The following WDFY4 variants were observed in gnomAD, a reference collection of about 807,000 sequenced individuals.
WDFY4 encodes the protein WD repeat- and FYVE domain-containing protein 4.
In WDFY4, 169 loss-of-function variants were observed where a neutral mutation model predicts 351.9. The observed-to-expected ratio is 0.48, with a 90% CI of 0.42 to 0.55. WDFY4 has a LOEUF of 0.55. WDFY4 is among the 20% of genes least tolerant of loss of function. WDFY4 has a pLI of 0.00. For missense variants in WDFY4, 3,803 were observed against 3,935.6 expected (o/e 0.97, Z 0.90); for synonymous variants, 1,622 against 1,574.6 (o/e 1.03, Z -0.71).
At chr10:48,911,346 T>C (rs929609884) in intron 47 of WDFY4, among the ~76,000 whole-genome samples, 1 of 152,240 alleles carries the variant, frequency 6.6e-6, no homozygotes, top group East Asian at 1.9e-4. Flanking sequence ...TGTGTAAACC[T>C]TTTATGAGCT....
intron 45 of WDFY4, among the ~76,000 whole-genome samples, chr10:48,899,683 A>AT (rs1271495269): frequency 6.6e-6 from 1 of 152,200 alleles, no homozygotes; most frequent in Non-Finnish European, 1.5e-5. Context: ...AGAAAAAAAA[A>AT]GAAAAGATAG....
At chr10:48,895,305 GGCTACATTGTAGGCT>G in intron 44 of WDFY4, among the ~76,000 whole-genome samples, 2 of 152,340 alleles carry the variant, frequency 1.3e-5, no homozygotes, top group East Asian at 3.9e-4. Flanking sequence ...AGGCTCCATG[GGCTACATTGTAGGCT>G]GGGCCTTGGG....
At chr10:48,687,382 T>G (rs1360633804) in intron 1 of WDFY4, among the ~76,000 whole-genome samples, 1 of 152,192 alleles carries the variant, frequency 6.6e-6, no homozygotes, top group Non-Finnish European at 1.5e-5. Context: ...TGTCGCTTTA[T>G]GATTTATACT....
chr10:48,939,553 G>T (rs970184722), intron 47 of WDFY4, among the ~76,000 whole-genome samples: 1 of 152,182 alleles, frequency 6.6e-6, no homozygotes, highest in African/African-American at 2.4e-5. Flanking sequence ...AGAGCCATTT[G>T]CAACATCTTA....
rs1370377128 is a variant in WDFY4, at chr10:48,731,262, C to A, written c.1282C>A (p.Gln428Lys). The part of the protein sequence containing the change: ...RNFFLLEWTL[Q>K]PISQFVEIMP... ...CTTCTTCCTGCTGGAGTGGACCCTG[C>A]AGCCCATCTCGCAGTTTGTAGAGAT... is the stretch of plus-strand genomic sequence containing the variant. Residue 428 changes from glutamine to lysine, a missense_variant, in exon 9 of 62, where the codon CAG (glutamine) becomes AAG (lysine). Transcript: ENST00000325239. 1 of 1,551,970 alleles carries A rather than the reference C, an allele frequency of 6.4e-7. No homozygotes were observed. Among genetic ancestry groups the A allele is most frequent in the Non-Finnish European group, 8.7e-7 (1 of 1,147,036 alleles).
At chr10:48,897,681 C>T (rs1837153622) in intron 45 of WDFY4, 107 bp downstream of exon 45, 11 of 1,466,592 alleles carry the variant, frequency 7.5e-6, no homozygotes, top group Middle Eastern at 2.0e-4. Flanking sequence ...CTTCTTTGTG[C>T]CTATGCACAG....
chr10:48,796,476 C>T (rs538107724), intron 24 of WDFY4, 26 bp downstream of exon 24: 2 of 1,544,740 alleles, frequency 1.3e-6, no homozygotes, highest in East Asian at 2.4e-5. Flanking sequence ...GCCCTTAGTC[C>T]TTCAGGAGTG....
intron 58 of WDFY4, among the ~76,000 whole-genome samples, chr10:48,976,371 T>TTC (rs1564544904): frequency 2.0e-5 from 3 of 152,210 alleles, no homozygotes; most frequent in Non-Finnish European, 4.4e-5. Context: ...CATGCAGTCA[T>TTC]TGGAACTTCT....
In WDFY4 at chr10:48,691,386, C is replaced by T. The variant is rs552480829; in HGVS notation, c.-18+6385C>T. Reference sequence around the variant, plus strand: ...GTGGGCACCACTCCCACTTTCCACCCGGGCCCCTAAGCCTGACCCTAGCTC... The same window carrying T: ...GTGGGCACCACTCCCACTTTCCACCTGGGCCCCTAAGCCTGACCCTAGCTC... On this transcript the variant is annotated intron_variant, in intron 1 of 61. Coordinates refer to ENST00000325239, the MANE Select transcript of WDFY4 (RefSeq NM_001394531.1). Among the ~76,000 whole-genome samples the T allele has an allele frequency of 7.2e-5, 11 of 152,274 alleles. No individual in the cohort carries two copies. In the East Asian group the frequency reaches 1.2e-3, roughly 16 times the overall value.
intron 2 of WDFY4, among the ~76,000 whole-genome samples, chr10:48,717,081 A>G (rs2063934204): frequency 6.6e-6 from 1 of 152,220 alleles, no homozygotes; most frequent in African/African-American, 2.4e-5. Flanking sequence ...CTAAGCCTCA[A>G]TTTCTATAAA....
At chr10:48,779,917 C>T in intron 18 of WDFY4, 24 bp from the exon 19 acceptor site, 2 of 1,550,758 alleles carry the variant, frequency 1.3e-6, no homozygotes, top group Non-Finnish European at 1.7e-6. Context: ...ACACGTGAGA[C>T]TCAGTGTTCA....
At chr10:48,723,070 A>G (rs1351796795) in intron 4 of WDFY4, among the ~76,000 whole-genome samples, 1 of 152,072 alleles carries the variant, frequency 6.6e-6, no homozygotes, top group East Asian at 1.9e-4. Context: ...CCTGGACCAC[A>G]GTCACACAGT....
At position 48,828,867 on chromosome 10, in the gene WDFY4, A is replaced by C. The variant is rs1449844919; in HGVS notation, c.6311A>C (p.Lys2104Thr). Residue 2104 changes from lysine (K) to threonine (T), a missense_variant, in exon 37 of 62, where the codon AAA becomes ACA. Transcript: ENST00000325239. ...TCCCCAAATGAAGACGTGAAAGAAA[A>C]AAGAGAAGACTTACCAAGTTTGAGT... Reference protein sequence around the residue: ...FLSPNEDVKEKREDLPSLSDV... With the variant: ...FLSPNEDVKETREDLPSLSDV... 12 of 1,424,626 alleles carry C rather than the reference A, an allele frequency of 8.4e-6. No individual in the cohort carries two copies. The East Asian group carries it at 4.0e-4, about 48-fold the overall frequency. The allele number at this position is 1,424,626 out of a possible 1,614,324, so 88.2% of individuals were successfully genotyped here.
chr10:48,902,681 A>T (rs905920971), intron 47 of WDFY4, among the ~76,000 whole-genome samples: 35 of 151,964 alleles, frequency 2.3e-4, no homozygotes, highest in African/African-American at 8.2e-4. Flanking sequence ...ACAGACATAA[A>T]CCAATATAAA....
intron 32 of WDFY4, among the ~76,000 whole-genome samples, chr10:48,819,069 C>T (rs908042093): frequency 6.6e-6 from 1 of 152,242 alleles, no homozygotes; most frequent in Non-Finnish European, 1.5e-5. Flanking sequence ...CGAGTGCCCC[C>T]GCCAGCAGCC....
chr10:48,772,288 G>A (rs1327647844), intron 13 of WDFY4, among the ~76,000 whole-genome samples: 6 of 152,230 alleles, frequency 3.9e-5, no homozygotes, highest in Non-Finnish European at 5.9e-5. Context: ...ACACAGTCCC[G>A]AGGGCACTGG....
chr10:48,760,488 C>T (rs1364961008), intron 13 of WDFY4, 48 bp downstream of exon 13: 4 of 1,526,894 alleles, frequency 2.6e-6, no homozygotes, highest in Admixed American at 2.0e-5. Flanking sequence ...CATGACTGAT[C>T]TCTCAAATGC....
At chr10:48,859,170 G>C (rs1020194477) in intron 39 of WDFY4, among the ~76,000 whole-genome samples, 4 of 152,120 alleles carry the variant, frequency 2.6e-5, no homozygotes, top group African/African-American at 9.6e-5. Context: ...CTACAAATAG[G>C]GACAATTTTA....
intron 33 of WDFY4, among the ~76,000 whole-genome samples, chr10:48,820,848 C>G (rs1026996792): frequency 2.0e-5 from 3 of 152,156 alleles, no homozygotes; most frequent in Admixed American, 2.0e-4. Flanking sequence ...GTGGGCTCCC[C>G]TGACTTGCCT....
Sources: gnomAD v4.1 joint callset for allele counts (sites outside exome capture counted in the v4.1 genomes callset) on GRCh38, gnomAD v4.1.1 for gene constraint, MANE v1.5 for transcripts, NCBI Gene and HGNC (gene_info 2026-07-23, HGNC 2026-07-21) for gene names.